Variants in RBM47 observed in about 807,000 individuals in gnomAD.
RBM47 encodes the protein RNA binding motif protein 47.
RBM47 carries 21 observed loss-of-function variants against 47.1 expected under a neutral mutation model. That is an observed-to-expected ratio of 0.45 (90% CI 0.32 to 0.64). The LOEUF (loss-of-function observed/expected upper bound fraction) is 0.64. Among genes scored for constraint, RBM47 ranks in the 30% least tolerant of loss-of-function variants. RBM47 has a pLI of 0.05. For synonymous variants in RBM47, 375 were observed against 361.7 expected (o/e 1.04, Z -0.42); for missense variants, 708 against 870.9 (o/e 0.81, Z 2.35).
intron 1 of RBM47, among the ~76,000 whole-genome samples, chr4:40,552,308 G>A (rs1023942106): frequency 3.9e-5 from 6 of 152,056 alleles, no homozygotes; most frequent in Non-Finnish European, 7.4e-5. Flanking sequence ...TGAAGCAGAA[G>A]AATTGCTTGA....
chr4:40,603,237 G>C (rs1464725697), intron 1 of RBM47, among the ~76,000 whole-genome samples: 1 of 152,130 alleles, frequency 6.6e-6, no homozygotes, highest in Admixed American at 6.6e-5. Flanking sequence ...TTCTTTCACT[G>C]AACATGGGTT....
At chr4:40,449,702 G>A (rs957131192) in intron 3 of RBM47, among the ~76,000 whole-genome samples, 4 of 152,036 alleles carry the variant, frequency 2.6e-5, no homozygotes, top group African/African-American at 9.7e-5. Flanking sequence ...TTATTTAGAC[G>A]GAATCTCATT....
At chr4:40,545,734 G>A (rs527810883) in intron 1 of RBM47, among the ~76,000 whole-genome samples, 5 of 147,150 alleles carry the variant, frequency 3.4e-5, no homozygotes, top group Admixed American at 3.4e-4. Context: ...AAGAGGAAAT[G>A]TATAAAAAGT....
At chr4:40,496,329 A>AAC (rs10597716) in intron 2 of RBM47, among the ~76,000 whole-genome samples, 2,721 of 129,240 alleles carry the variant, frequency 0.021, 48 homozygotes, top group East Asian at 0.071. Flanking sequence ...GGAGAACTTA[A>AAC]ACACACACAC....
intron 2 of RBM47, among the ~76,000 whole-genome samples, chr4:40,482,054 TG>T (rs967027394): frequency 6.6e-6 from 1 of 152,186 alleles, no homozygotes; most frequent in Non-Finnish European, 1.5e-5. Flanking sequence ...TTCTATTAAC[TG>T]GGAGCTAATA....
rs34195998 is a variant in RBM47, at chr4:40,588,992, C to CTTT, written c.-240+40401_-240+40403dup. ...TAGAGGAATAATAGCTAAAGCGTTTCTTTTTTTTTTTTTTTTTTTTTTTTT... is the reference window on the plus strand; with the variant it reads ...TAGAGGAATAATAGCTAAAGCGTTTCTTTTTTTTTTTTTTTTTTTTTTTTTTTT... On this transcript the variant is annotated intron_variant, in intron 1 of 6. Transcript: ENST00000295971. Among the ~76,000 whole-genome samples the CTTT allele has an allele frequency of 1.9e-4, 15 of 79,450 alleles. 1 individual carries two copies. Among genetic ancestry groups the CTTT allele is most frequent in the East Asian group, 3.8e-4 (1 of 2,654 alleles). 52.1% of individuals were successfully genotyped at this position (79,450 alleles called of 152,430 possible).
chr4:40,465,680 A>C (rs1238606558), intron 3 of RBM47, among the ~76,000 whole-genome samples: 1 of 142,548 alleles, frequency 7.0e-6, no homozygotes, highest in Non-Finnish European at 1.5e-5. Flanking sequence ...CTCCATCTCC[A>C]AAAAAAAAAA....
At chr4:40,600,582 G>A (rs964439560) in intron 1 of RBM47, among the ~76,000 whole-genome samples, 3 of 148,910 alleles carry the variant, frequency 2.0e-5, no homozygotes, top group Admixed American at 1.3e-4. Context: ...TGCAGTGAGC[G>A]GAGATCGCTC....
At chr4:40,549,317 T>C (rs1436941830) in intron 1 of RBM47, among the ~76,000 whole-genome samples, 5 of 150,170 alleles carry the variant, frequency 3.3e-5, no homozygotes, top group African/African-American at 1.2e-4. Flanking sequence ...GTCTCAAACT[T>C]CTGACCTCAA....
intron 2 of RBM47, among the ~76,000 whole-genome samples, chr4:40,529,728 C>G (rs1727174595): frequency 6.7e-6 from 1 of 149,284 alleles, no homozygotes; most frequent in African/African-American, 2.5e-5. Flanking sequence ...ACTTGGGAGG[C>G]TGAAACAGGA....
At chr4:40,601,267 T>C (rs930632585) in intron 1 of RBM47, among the ~76,000 whole-genome samples, 4 of 152,192 alleles carry the variant, frequency 2.6e-5, no homozygotes, top group African/African-American at 9.6e-5. Context: ...GAGACACTGG[T>C]AACAGCAATC....
intron 1 of RBM47, among the ~76,000 whole-genome samples, chr4:40,561,646 C>T (rs1730646258): frequency 6.6e-6 from 1 of 150,808 alleles, no homozygotes; most frequent in Non-Finnish European, 1.5e-5. Context: ...ACCTCCTGGG[C>T]TCAGGTGATC....
At chr4:40,539,852 A>G (rs1299505550) in intron 2 of RBM47, among the ~76,000 whole-genome samples, 1 of 151,654 alleles carries the variant, frequency 6.6e-6, no homozygotes, top group East Asian at 1.9e-4. Context: ...ACTTCACTAA[A>G]TGAGCTACAA....
intron 2 of RBM47, among the ~76,000 whole-genome samples, chr4:40,491,378 A>G (rs1721848453): frequency 6.6e-6 from 1 of 152,212 alleles, no homozygotes; most frequent in African/African-American, 2.4e-5. Flanking sequence ...CTTGGAAGAA[A>G]ACATGGGTAT....
At chr4:40,503,681 T>C (rs1025111856) in intron 2 of RBM47, among the ~76,000 whole-genome samples, 12 of 152,192 alleles carry the variant, frequency 7.9e-5, no homozygotes, top group African/African-American at 2.9e-4. Flanking sequence ...TCTCATTATA[T>C]AAGAAACTCA....
chr4:40,624,305 A>G (rs1440393847), intron 1 of RBM47, among the ~76,000 whole-genome samples: 3 of 152,220 alleles, frequency 2.0e-5, no homozygotes, highest in Admixed American at 6.5e-5. Context: ...CCATGCTCCT[A>G]GCCACTCTGC....
chr4:40,582,347 A>C (rs1444315836), intron 1 of RBM47, among the ~76,000 whole-genome samples: 1 of 152,164 alleles, frequency 6.6e-6, no homozygotes, highest in Non-Finnish European at 1.5e-5. Flanking sequence ...CAGCCTGGTC[A>C]ACATGGTAAA....
chr4:40,609,568 C>T (rs1240342277), intron 1 of RBM47, among the ~76,000 whole-genome samples: 1 of 152,022 alleles, frequency 6.6e-6, no homozygotes. Context: ...CCGACTCAGC[C>T]TCCCAAAGTG....
chr4:40,503,746 TACAC>T (rs538808008), intron 2 of RBM47, among the ~76,000 whole-genome samples: 1 of 151,340 alleles, frequency 6.6e-6, no homozygotes, highest in Admixed American at 6.6e-5. Flanking sequence ...GTAAATATAT[TACAC>T]ACACACACAC....
Sources: gnomAD v4.1 joint callset for allele counts (sites outside exome capture counted in the v4.1 genomes callset) on GRCh38, gnomAD v4.1.1 for gene constraint, MANE v1.5 for transcripts, NCBI Gene and HGNC (gene_info 2026-07-23, HGNC 2026-07-21) for gene names.